L3MBTL3: variants seen among roughly 807,000 people sequenced by gnomAD.
L3MBTL3 encodes the protein lethal(3)malignant brain tumor-like protein 3.
L3MBTL3 carries 27 observed loss-of-function variants against 102.3 expected under a neutral mutation model. That is an observed-to-expected ratio of 0.26 (90% CI 0.19 to 0.36). The LOEUF is 0.36. Among genes scored for constraint, L3MBTL3 ranks in the 10% least tolerant of loss-of-function variants. The probability of loss-of-function intolerance (pLI) is 1.00; values close to 1 mark genes in which losing one functional copy is unlikely to be tolerated. For synonymous variants in L3MBTL3, 340 were observed against 320.9 expected, an observed-to-expected ratio of 1.06 and a Z score of -0.64; for missense variants, 798 against 955.3, an observed-to-expected ratio of 0.84 and a Z score of 2.17.
chr6:130,080,016 A>C (rs1783219227), intron 14 of L3MBTL3, among the ~76,000 whole-genome samples: 1 of 152,130 alleles, frequency 6.6e-6, no homozygotes, highest in Admixed American at 6.5e-5. Flanking sequence ...GCACTTTGGG[A>C]GGCTGAGGCG....
intron 16 of L3MBTL3, among the ~76,000 whole-genome samples, chr6:130,088,289 A>G (rs1016834953): frequency 2.6e-5 from 4 of 152,302 alleles, no homozygotes; most frequent in Middle Eastern, 3.4e-3. Context: ...AAAGGCTTGT[A>G]TACAGGGGTC....
At chr6:130,109,085 T>A (rs986905821) in intron 19 of L3MBTL3, among the ~76,000 whole-genome samples, 1 of 152,216 alleles carries the variant, frequency 6.6e-6, no homozygotes, top group African/African-American at 2.4e-5. Context: ...GTGTGTCACA[T>A]TTTCTTTATC....
chr6:130,119,550 C>T lies in L3MBTL3; in HGVS notation c.1887-1329C>T, dbSNP rs117827014. Among the ~76,000 whole-genome samples the T allele has an allele frequency of 1.1e-3, 162 of 152,012 alleles. 3 individuals are homozygous for T. In the East Asian group the frequency reaches 0.025, roughly 23 times the overall value. ...GTGATACTCTTACATTTGTTTTTAC[C>T]GTAGCTTCATCCTTCTACTTTCTGT... On this transcript the variant is annotated intron_variant, in intron 19 of 22. Transcript: ENST00000361794.
intron 13 of L3MBTL3, 112 bp downstream of exon 13, chr6:130,071,239 A>T (rs1029047461): frequency 2.2e-6 from 2 of 908,386 alleles, no homozygotes; most frequent in East Asian, 2.7e-5. Flanking sequence ...GTTCTGCCCC[A>T]CTTTTTCCTG....
intron 13 of L3MBTL3, among the ~76,000 whole-genome samples, chr6:130,072,236 A>C (rs955038218): frequency 3.9e-5 from 6 of 152,166 alleles, no homozygotes; most frequent in African/African-American, 1.4e-4. Context: ...TAATTGTATA[A>C]ATGCTGTGTA....
At chr6:130,028,497 G>T (rs1001858432) in intron 2 of L3MBTL3, among the ~76,000 whole-genome samples, 1 of 152,182 alleles carries the variant, frequency 6.6e-6, no homozygotes, top group African/African-American at 2.4e-5. Context: ...TCTTGATGCT[G>T]CTAAGATTTC....
At chr6:130,067,310 C>T (rs1782326952) in intron 11 of L3MBTL3, among the ~76,000 whole-genome samples, 1 of 152,126 alleles carries the variant, frequency 6.6e-6, no homozygotes, top group Non-Finnish European at 1.5e-5. Flanking sequence ...GACAGAGCTT[C>T]ACCATGTTGG....
At chr6:130,129,347 ATAT>A (rs1475559212) in intron 20 of L3MBTL3, among the ~76,000 whole-genome samples, 1 of 152,156 alleles carries the variant, frequency 6.6e-6, no homozygotes, top group Non-Finnish European at 1.5e-5. Context: ...AACATAATGA[ATAT>A]TATTATTTTT....
intron 3 of L3MBTL3, among the ~76,000 whole-genome samples, chr6:130,046,548 T>C (rs1354380516): frequency 6.6e-6 from 1 of 152,224 alleles, no homozygotes; most frequent in Non-Finnish European, 1.5e-5. Context: ...AAACAAAACA[T>C]GTGCAGTCCC....
At chr6:130,088,981 C>T (rs898378369) in intron 16 of L3MBTL3, among the ~76,000 whole-genome samples, 3 of 151,848 alleles carry the variant, frequency 2.0e-5, no homozygotes, top group African/African-American at 7.3e-5. Context: ...GTTTTTTTGT[C>T]TTCTTAGATT....
chr6:130,062,694 A>G (rs1040913187), intron 10 of L3MBTL3, among the ~76,000 whole-genome samples: 3 of 151,238 alleles, frequency 2.0e-5, no homozygotes, highest in Non-Finnish European at 1.5e-5. Context: ...CACACCTGGC[A>G]TACATATTCT....
intron 13 of L3MBTL3, among the ~76,000 whole-genome samples, chr6:130,076,698 C>G (rs940294481): frequency 6.6e-6 from 1 of 152,074 alleles, no homozygotes; most frequent in African/African-American, 2.4e-5. Flanking sequence ...TTTTCAGTTA[C>G]GTTTCTACTT....
At chr6:130,132,637 G>A (rs531154516) in intron 20 of L3MBTL3, among the ~76,000 whole-genome samples, 1 of 152,324 alleles carries the variant, frequency 6.6e-6, no homozygotes, top group African/African-American at 2.4e-5. Context: ...ATAAGGAGAC[G>A]ACGATTGACA....
chr6:130,086,040 A>T (rs559386112), intron 15 of L3MBTL3, 100 bp from the exon 16 acceptor site: 57 of 788,944 alleles, frequency 7.2e-5, no homozygotes, highest in Middle Eastern at 7.0e-4. Context: ...GGTGTGAGCC[A>T]CCGCGCCTGG....
chr6:130,083,674 C>T lies in L3MBTL3; in HGVS notation c.1376C>T (p.Ser459Phe). 6.5e-7 allele frequency: 1 copy of T among 1,548,196 alleles called. No homozygotes were observed. Among genetic ancestry groups the T allele is most frequent in the Non-Finnish European group, 8.7e-7 (1 of 1,145,578 alleles). Reference sequence around the variant, plus strand: ...GATAAATACTTAGAAGAAACCAATTCTTTACCTGCTCCTGCAAGAGCTTTC... The same window carrying T: ...GATAAATACTTAGAAGAAACCAATTTTTTACCTGCTCCTGCAAGAGCTTTC... Reference protein sequence around the residue: ...SWDKYLEETNSLPAPARAFKV... With the variant: ...SWDKYLEETNFLPAPARAFKV... Residue 459 changes from serine to phenylalanine, a missense_variant, in exon 15 of 23, where the codon TCT (serine) becomes TTT (phenylalanine). By Grantham distance (155) the Ser-to-Phe change is radical. Coordinates refer to ENST00000361794, the MANE Select transcript of L3MBTL3 (RefSeq NM_032438.4).
chr6:130,114,712 G>A (rs1301567158), intron 19 of L3MBTL3, among the ~76,000 whole-genome samples: 1 of 152,026 alleles, frequency 6.6e-6, no homozygotes, highest in Non-Finnish European at 1.5e-5. Context: ...CCTCTCCTGG[G>A]TGATGTTTAT....
intron 18 of L3MBTL3, among the ~76,000 whole-genome samples, chr6:130,102,552 A>C (rs917670984): frequency 1.3e-5 from 2 of 152,192 alleles, no homozygotes; most frequent in South Asian, 4.1e-4. Context: ...TGCTAAAAAT[A>C]TAAAGTCCTG....
intron 20 of L3MBTL3, among the ~76,000 whole-genome samples, chr6:130,129,737 G>A (rs1175917347): frequency 6.6e-6 from 1 of 152,186 alleles, no homozygotes; most frequent in Non-Finnish European, 1.5e-5. Context: ...CCCAGGCAAA[G>A]GGAGGTGGCT....
intron 14 of L3MBTL3, among the ~76,000 whole-genome samples, chr6:130,081,836 T>G (rs774325606): frequency 5.3e-5 from 8 of 152,202 alleles, no homozygotes; most frequent in Non-Finnish European, 1.0e-4. Context: ...CAGTCAAGTT[T>G]GCCAGTTGTC....
Sources: gnomAD v4.1 joint callset for allele counts (sites outside exome capture counted in the v4.1 genomes callset) on GRCh38, gnomAD v4.1.1 for gene constraint, MANE v1.5 for transcripts, NCBI Gene and HGNC (gene_info 2026-07-23, HGNC 2026-07-21) for gene names.